GRID1: variants seen among roughly 807,000 people sequenced by gnomAD.
The protein encoded by GRID1 is glutamate ionotropic receptor delta type subunit 1.
A neutral mutation model predicts 98.0 loss-of-function variants in GRID1; 28 were observed. The observed-to-expected ratio is 0.29, with a 90% confidence interval of 0.21 to 0.39. The LOEUF is 0.39. Ranked by LOEUF, GRID1 falls within the 10% of genes least tolerant of loss-of-function variation. The probability of loss-of-function intolerance (pLI) is 1.00; values close to 1 mark genes in which losing one functional copy is unlikely to be tolerated. For synonymous variants in GRID1, 553 were observed against 538.5 expected (o/e 1.03, Z -0.37); for missense variants, 1,111 against 1,340.5 (o/e 0.83, Z 2.67).
At chr10:85,606,904 C>T (rs1477311215) in intron 15 of GRID1, 2 of 152,176 alleles carry the variant, frequency 1.3e-5, no homozygotes, top group Admixed American at 6.5e-5. Flanking sequence ...CCCAAGGTTT[C>T]GGTATTCGGC....
chr10:85,705,455 G>T (rs1001337663), intron 12 of GRID1, among the ~76,000 whole-genome samples: 7 of 152,130 alleles, frequency 4.6e-5, no homozygotes, highest in Non-Finnish European at 2.9e-5. Flanking sequence ...CTGAAATTGA[G>T]GCAATAATTA....
intron 4 of GRID1, among the ~76,000 whole-genome samples, chr10:86,062,629 G>A (rs1168298124): frequency 6.6e-6 from 1 of 152,152 alleles, no homozygotes; most frequent in Non-Finnish European, 1.5e-5. Context: ...GTACCTGGTG[G>A]AGTCCCCACC....
chr10:85,973,201 T>C (rs1256577430), intron 4 of GRID1, among the ~76,000 whole-genome samples: 5 of 152,236 alleles, frequency 3.3e-5, no homozygotes. Flanking sequence ...CCATTTTGTA[T>C]ATTTGTAACA....
At chr10:85,770,974 C>A (rs1483342072) in intron 8 of GRID1, among the ~76,000 whole-genome samples, 2 of 152,086 alleles carry the variant, frequency 1.3e-5, no homozygotes, top group Non-Finnish European at 2.9e-5. Context: ...ACAGAGAACG[C>A]CACAAAGATA....
intron 4 of GRID1, among the ~76,000 whole-genome samples, chr10:86,023,484 T>C (rs576356943): frequency 2.6e-5 from 4 of 152,172 alleles, no homozygotes; most frequent in African/African-American, 9.6e-5. Flanking sequence ...TCAGTCCAGT[T>C]TTCCCTCTAA....
At chr10:86,299,529 C>G (rs1412069150) in intron 2 of GRID1, among the ~76,000 whole-genome samples, 2 of 151,296 alleles carry the variant, frequency 1.3e-5, no homozygotes, top group African/African-American at 4.9e-5. Context: ...AGTTCCCCTT[C>G]CTGGAAACCA....
At chr10:85,611,930 T>C (rs903260550) in intron 15 of GRID1, among the ~76,000 whole-genome samples, 3 of 152,214 alleles carry the variant, frequency 2.0e-5, no homozygotes, top group African/African-American at 7.2e-5. Flanking sequence ...AAGGTCTGTC[T>C]TCCTTCCCTT....
chr10:86,254,566 G>T (rs1426408492), intron 2 of GRID1, among the ~76,000 whole-genome samples: 1 of 150,484 alleles, frequency 6.6e-6, no homozygotes, highest in African/African-American at 2.5e-5. Flanking sequence ...CAAAACCCTT[G>T]ATACTCACGT....
intron 13 of GRID1, among the ~76,000 whole-genome samples, chr10:85,639,228 A>G (rs1398164028): frequency 6.6e-6 from 1 of 152,066 alleles, no homozygotes; most frequent in Non-Finnish European, 1.5e-5. Flanking sequence ...ATAGAATATC[A>G]TTCCCACACA....
chr10:85,977,418 GACTCTGATGTT>G (rs1458402550), intron 4 of GRID1, among the ~76,000 whole-genome samples: 1 of 152,112 alleles, frequency 6.6e-6, no homozygotes. Context: ...CACCTAAAGG[GACTCTGATGTT>G]GTAGAAAATA....
At chr10:86,004,620 T>C (rs986372831) in intron 4 of GRID1, among the ~76,000 whole-genome samples, 1 of 152,124 alleles carries the variant, frequency 6.6e-6, no homozygotes, top group Non-Finnish European at 1.5e-5. Flanking sequence ...TTATTGGCCC[T>C]CTCCTGGGTC....
intron 6 of GRID1, among the ~76,000 whole-genome samples, chr10:85,866,381 T>C (rs1843221814): frequency 6.7e-6 from 1 of 149,898 alleles, no homozygotes; most frequent in Non-Finnish European, 1.5e-5. Flanking sequence ...TCCACAGTAA[T>C]GATGATAATA....
chr10:86,239,307 AC>A (rs1846589791), intron 2 of GRID1, among the ~76,000 whole-genome samples: 1 of 152,008 alleles, frequency 6.6e-6, no homozygotes, highest in Non-Finnish European at 1.5e-5. Context: ...CAATGCCTGC[AC>A]CCCCATTGTA....
At chr10:86,063,712 G>C (rs1843679820) in intron 4 of GRID1, among the ~76,000 whole-genome samples, 1 of 152,134 alleles carries the variant, frequency 6.6e-6, no homozygotes. Flanking sequence ...TGAAAAGTCA[G>C]ACCAAAGAAG....
chr10:85,665,406 C>A (rs1465350532), intron 12 of GRID1, among the ~76,000 whole-genome samples: 1 of 152,148 alleles, frequency 6.6e-6, no homozygotes, highest in Admixed American at 6.5e-5. Context: ...GATCCTAATT[C>A]TTATTATATT....
chr10:85,619,509 G>A (rs931987420), intron 14 of GRID1, among the ~76,000 whole-genome samples: 4 of 152,160 alleles, frequency 2.6e-5, no homozygotes, highest in African/African-American at 9.7e-5. Context: ...AGCTTCAGGG[G>A]TGTCCCCTCC....
intron 2 of GRID1, among the ~76,000 whole-genome samples, chr10:86,300,452 G>A (rs961063298): frequency 7.4e-6 from 1 of 135,046 alleles, no homozygotes; most frequent in African/African-American, 2.8e-5. Flanking sequence ...GGGTGACAGA[G>A]CCAGAGGGAA....
At chr10:86,141,532 A>G (rs569674327) in intron 3 of GRID1, among the ~76,000 whole-genome samples, 2 of 152,350 alleles carry the variant, frequency 1.3e-5, no homozygotes, top group Admixed American at 6.5e-5. Flanking sequence ...CACCCACACC[A>G]AAACCAGCAG....
intron 12 of GRID1, among the ~76,000 whole-genome samples, chr10:85,664,001 T>A (rs1003373343): frequency 2.6e-5 from 4 of 152,174 alleles, no homozygotes; most frequent in African/African-American, 9.6e-5. Context: ...AAAGGCACAG[T>A]GTCCTTTCCA....
Sources: allele counts gnomAD v4.1 joint callset (sites outside exome capture counted in the v4.1 genomes callset), GRCh38; gene constraint gnomAD v4.1.1; transcripts MANE v1.5; gene names NCBI Gene and HGNC (gene_info 2026-07-23, HGNC 2026-07-21).